FSTL5: variants seen among roughly 807,000 people sequenced by gnomAD.
FSTL5 encodes follistatin-related protein 5.
Under a neutral mutation model 89.1 loss-of-function variants are expected in FSTL5, and 62 were observed. The ratio of observed to expected loss-of-function variants is 0.70; its 90% confidence interval spans 0.57 to 0.86. The LOEUF is 0.86. Among genes scored for constraint, FSTL5 ranks in the 40% least tolerant of loss-of-function variants. The pLI is 0.00. For missense variants in FSTL5, 1,057 were observed against 1,001.6 expected (o/e 1.06, Z -0.75); for synonymous variants, 383 against 346.2 (o/e 1.11, Z -1.18).
At chr4:161,859,929 A>G (rs541009932) in intron 4 of FSTL5, among the ~76,000 whole-genome samples, 1 of 152,316 alleles carries the variant, frequency 6.6e-6, no homozygotes, top group Non-Finnish European at 1.5e-5. Context: ...AATGTATTAA[A>G]TGGAAAAGGA....
At chr4:161,486,824 G>T (rs949418806) in intron 12 of FSTL5, among the ~76,000 whole-genome samples, 23 of 151,904 alleles carry the variant, frequency 1.5e-4, no homozygotes, top group Non-Finnish European at 2.2e-4. Context: ...ATACATTTTG[G>T]TATGAATTTT....
intron 6 of FSTL5, among the ~76,000 whole-genome samples, chr4:161,687,369 C>T (rs908317745): frequency 6.6e-6 from 1 of 152,060 alleles, no homozygotes; most frequent in Non-Finnish European, 1.5e-5. Flanking sequence ...TTACTTTATT[C>T]TCCTGTTCAA....
intron 11 of FSTL5, 102 bp from the exon 12 acceptor site, chr4:161,500,236 C>T (rs528441777): frequency 3.3e-5 from 23 of 694,874 alleles, no homozygotes; most frequent in Non-Finnish European, 4.5e-5. Context: ...GACCAATTTT[C>T]GAAGTTGTGT....
At chr4:161,967,930 A>G (rs1309080155) in intron 3 of FSTL5, among the ~76,000 whole-genome samples, 1 of 152,214 alleles carries the variant, frequency 6.6e-6, no homozygotes, top group East Asian at 1.9e-4. Flanking sequence ...AAAATAAACT[A>G]GATAATTTCC....
chr4:161,849,789 A>G (rs1731494614), intron 4 of FSTL5, among the ~76,000 whole-genome samples: 1 of 152,152 alleles, frequency 6.6e-6, no homozygotes, highest in Non-Finnish European at 1.5e-5. Flanking sequence ...GATACTGTCA[A>G]TCTACTTACA....
intron 15 of FSTL5, among the ~76,000 whole-genome samples, chr4:161,402,382 C>G (rs1229146497): frequency 6.6e-6 from 1 of 152,158 alleles, no homozygotes; most frequent in Admixed American, 6.5e-5. Flanking sequence ...TAGCTGAGCT[C>G]TACTGGATAA....
chr4:161,464,212 T>C (rs1369104962), intron 13 of FSTL5, among the ~76,000 whole-genome samples: 1 of 152,184 alleles, frequency 6.6e-6, no homozygotes, highest in Non-Finnish European at 1.5e-5. Flanking sequence ...CAGTCTTCTC[T>C]AGCCTTGTCG....
intron 7 of FSTL5, among the ~76,000 whole-genome samples, chr4:161,635,492 A>T (rs76527936): frequency 8.1e-5 from 1 of 12,376 alleles, no homozygotes; most frequent in Non-Finnish European, 1.2e-4. Context: ...GTTACAAATT[A>T]AAAAAAAAAA....
chr4:161,648,578 T>TA lies in FSTL5; in HGVS notation c.894+7749dup, dbSNP rs1273489369. ...ATGAATTTACTAATTCTCATCGTTC[T>TA]AAAAATGGCACCTAGTACACAATAA... On this transcript the variant is annotated intron_variant, in intron 7 of 15. Coordinates refer to ENST00000306100, the MANE Select transcript of FSTL5 (RefSeq NM_020116.5). Among the ~76,000 whole-genome samples the TA allele has an allele frequency of 2.6e-5, 4 of 152,290 alleles. No homozygotes were observed. The East Asian group carries it at 7.7e-4, about 29-fold the overall frequency.
chr4:161,893,061 G>A (rs1314079430), intron 4 of FSTL5, among the ~76,000 whole-genome samples: 2 of 152,078 alleles, frequency 1.3e-5, no homozygotes, highest in Non-Finnish European at 2.9e-5. Flanking sequence ...TAAAAAAGAT[G>A]GATGCATTTC....
intron 13 of FSTL5, among the ~76,000 whole-genome samples, chr4:161,469,593 G>A (rs1322489808): frequency 6.6e-6 from 1 of 151,198 alleles, no homozygotes; most frequent in Non-Finnish European, 1.5e-5. Context: ...TATGTATAAC[G>A]TCTTTGAAAA....
intron 4 of FSTL5, among the ~76,000 whole-genome samples, chr4:161,792,807 C>T (rs990973909): frequency 6.6e-6 from 1 of 152,108 alleles, no homozygotes; most frequent in Non-Finnish European, 1.5e-5. Flanking sequence ...GTCCATGTAC[C>T]TTATTCTTCC....
intron 6 of FSTL5, among the ~76,000 whole-genome samples, chr4:161,670,885 G>A (rs964172962): frequency 3.9e-5 from 6 of 152,120 alleles, no homozygotes; most frequent in African/African-American, 1.4e-4. Flanking sequence ...GGATACCTTT[G>A]TTTATTCTGG....
intron 3 of FSTL5, among the ~76,000 whole-genome samples, chr4:162,026,304 C>CTGTTTTTTTTTTTTTTTTTTT (rs1737281083): frequency 1.3e-5 from 1 of 79,474 alleles, no homozygotes; most frequent in East Asian, 4.2e-4. Flanking sequence ...TATGTATTTT[C>CTGTTTTTTTTTTTTTTTTTTT]TTTTTTTTTT....
intron 3 of FSTL5, among the ~76,000 whole-genome samples, chr4:162,005,874 C>T (rs1253733088): frequency 6.6e-6 from 1 of 151,996 alleles, no homozygotes; most frequent in Non-Finnish European, 1.5e-5. Context: ...CACAGAAATC[C>T]ACTTTCCTAC....
chr4:161,906,511 G>A (rs1385432966), intron 4 of FSTL5, among the ~76,000 whole-genome samples: 1 of 151,994 alleles, frequency 6.6e-6, no homozygotes, highest in East Asian at 1.9e-4. Flanking sequence ...GGCTATAAAT[G>A]GCATCCCTGC....
intron 15 of FSTL5, among the ~76,000 whole-genome samples, chr4:161,440,023 A>G (rs976095988): frequency 2.0e-5 from 3 of 152,172 alleles, no homozygotes. Context: ...ACAGAAGCAG[A>G]TAATGCCAAA....
At chr4:161,498,956 T>C (rs1233626480) in intron 12 of FSTL5, among the ~76,000 whole-genome samples, 4 of 152,044 alleles carry the variant, frequency 2.6e-5, no homozygotes, top group Non-Finnish European at 5.9e-5. Context: ...ATCCCAGAAC[T>C]TTGCGAGGCC....
chr4:161,450,979 C>T (rs536964817), intron 15 of FSTL5, among the ~76,000 whole-genome samples: 9 of 151,968 alleles, frequency 5.9e-5, no homozygotes, highest in Admixed American at 4.6e-4. Flanking sequence ...CTCCTGACCT[C>T]GTGATCTGCC....
Sources: allele counts gnomAD v4.1 joint callset (sites outside exome capture counted in the v4.1 genomes callset), GRCh38; gene constraint gnomAD v4.1.1; transcripts MANE v1.5; gene names NCBI Gene and HGNC (gene_info 2026-07-23, HGNC 2026-07-21).